The following CDH12 variants were observed in gnomAD, a reference collection of about 807,000 sequenced individuals.
CDH12 encodes cadherin 12.
In CDH12, 41 loss-of-function variants were observed where a neutral mutation model predicts 74.1. The ratio of observed to expected loss-of-function variants is 0.55; its 90% CI spans 0.43 to 0.72. The LOEUF (loss-of-function observed/expected upper bound fraction) is 0.72, where lower values mean the gene tolerates loss of function less well. Ranked by LOEUF, CDH12 falls within the 30% of genes least tolerant of loss-of-function variation. The pLI, the probability that CDH12 is intolerant of heterozygous loss-of-function variation, is 0.00. For synonymous variants in CDH12, 399 were observed against 355.0 expected, an observed-to-expected ratio of 1.12 and a Z score of -1.39; for missense variants, 945 against 977.2, an observed-to-expected ratio of 0.97 and a Z score of 0.44.
chr5:22,725,303 T>G (rs1211432923), intron 1 of CDH12, among the ~76,000 whole-genome samples: 1 of 151,932 alleles, frequency 6.6e-6, no homozygotes, highest in African/African-American at 2.4e-5. Context: ...ATAGTAGCTA[T>G]TGATAATATA....
chr5:22,360,005 A>G (rs1740730548), intron 3 of CDH12, among the ~76,000 whole-genome samples: 1 of 152,196 alleles, frequency 6.6e-6, no homozygotes, highest in Non-Finnish European at 1.5e-5. Context: ...ACACCCTAAC[A>G]TCACAATTAA....
In CDH12 at chr5:22,566,107, T is replaced by C. The variant is rs147019884; in HGVS notation, c.-522-60743A>G. Among the ~76,000 whole-genome samples the C allele has an allele frequency of 4.5e-3, 688 of 152,278 alleles. 4 individuals carry two copies. Among genetic ancestry groups the C allele is most frequent in the Middle Eastern group, 0.01 (3 of 292 alleles). ...CAAATCTAAGACTAGATTAATTACT[T>C]GGTATTTAAAAAAGCACACACACAA... On this transcript the variant is annotated intron_variant, in intron 1 of 14. Coordinates refer to ENST00000382254, the MANE Select transcript of CDH12 (RefSeq NM_004061.5).
chr5:22,337,238 G>C (rs1397307396), intron 3 of CDH12, among the ~76,000 whole-genome samples: 1 of 152,126 alleles, frequency 6.6e-6, no homozygotes, highest in Non-Finnish European at 1.5e-5. Context: ...CAGGCTCATA[G>C]GCAGAAGGGA....
intron 4 of CDH12, among the ~76,000 whole-genome samples, chr5:22,154,640 A>T (rs1747906946): frequency 7.4e-6 from 1 of 135,804 alleles, no homozygotes; most frequent in East Asian, 2.2e-4. Context: ...ACACGTATAC[A>T]TGTATATATA....
intron 3 of CDH12, among the ~76,000 whole-genome samples, chr5:22,304,932 T>G (rs1738037808): frequency 6.6e-6 from 1 of 152,226 alleles, no homozygotes; most frequent in African/African-American, 2.4e-5. Context: ...TGGACTTGTC[T>G]GCTGTAAACC....
chr5:21,816,825 A>G, intron 9 of CDH12, 120 bp downstream of exon 9: 5 of 649,838 alleles, frequency 7.7e-6, no homozygotes, highest in Non-Finnish European at 9.8e-6. Context: ...CACATGGTTC[A>G]AGGGTCAACT....
At chr5:22,071,469 T>G (rs1476513360) in intron 5 of CDH12, among the ~76,000 whole-genome samples, 1 of 152,178 alleles carries the variant, frequency 6.6e-6, no homozygotes, top group African/African-American at 2.4e-5. Flanking sequence ...ATTACTTAAT[T>G]TGGCCTGTGG....
chr5:22,436,702 G>T (rs1441028719), intron 2 of CDH12, among the ~76,000 whole-genome samples: 2 of 151,988 alleles, frequency 1.3e-5, no homozygotes, highest in Non-Finnish European at 2.9e-5. Context: ...ATGCTTTTAA[G>T]AAAAACAATA....
At chr5:22,300,703 C>T (rs867807748) in intron 3 of CDH12, among the ~76,000 whole-genome samples, 3 of 152,160 alleles carry the variant, frequency 2.0e-5, no homozygotes, top group Admixed American at 2.0e-4. Flanking sequence ...CATTAGGAAA[C>T]TGATTTTTGG....
At chr5:22,049,639 G>A (rs1245873819) in intron 5 of CDH12, among the ~76,000 whole-genome samples, 1 of 152,030 alleles carries the variant, frequency 6.6e-6, no homozygotes, top group Non-Finnish European at 1.5e-5. Context: ...TAACAACTCA[G>A]TGTCCTACTT....
chr5:22,249,859 C>G (rs1753078098), intron 3 of CDH12, among the ~76,000 whole-genome samples: 1 of 68,208 alleles, frequency 1.5e-5, no homozygotes, highest in Admixed American at 2.0e-4. Flanking sequence ...ATTATACCTA[C>G]AGATTATTCA....
intron 3 of CDH12, among the ~76,000 whole-genome samples, chr5:22,333,257 T>C (rs1320713157): frequency 3.3e-5 from 5 of 151,302 alleles, no homozygotes; most frequent in Non-Finnish European, 7.4e-5. Context: ...TAAGTTGGAG[T>C]TGAATAATGA....
chr5:22,757,726 T>C (rs1746000858), intron 1 of CDH12, among the ~76,000 whole-genome samples: 1 of 152,214 alleles, frequency 6.6e-6, no homozygotes, highest in Admixed American at 6.5e-5. Flanking sequence ...TTAGTGACCT[T>C]GGATTGTCAG....
intron 1 of CDH12, among the ~76,000 whole-genome samples, chr5:22,742,853 C>T (rs1178023487): frequency 6.6e-6 from 1 of 151,834 alleles, no homozygotes; most frequent in Non-Finnish European, 1.5e-5. Context: ...TTGACTGGGC[C>T]ACAGGGTGCC....
At chr5:22,061,301 C>A (rs995432369) in intron 5 of CDH12, among the ~76,000 whole-genome samples, 5 of 152,060 alleles carry the variant, frequency 3.3e-5, no homozygotes, top group African/African-American at 1.2e-4. Flanking sequence ...TTAGGTCTTG[C>A]CTCGTGAACA....
chr5:22,228,575 C>A (rs563313157), intron 3 of CDH12, among the ~76,000 whole-genome samples: 2 of 152,168 alleles, frequency 1.3e-5, no homozygotes, highest in African/African-American at 2.4e-5. Context: ...TACTATAAAT[C>A]ATTTACTTTT....
intron 14 of CDH12, among the ~76,000 whole-genome samples, chr5:21,753,493 A>G (rs1744212112): frequency 6.6e-6 from 1 of 152,224 alleles, no homozygotes; most frequent in South Asian, 2.1e-4. Flanking sequence ...TGGCTGAGAA[A>G]GAAACTAGCT....
In CDH12 at chr5:22,482,677, C is replaced by A. The variant is rs187516879; in HGVS notation, c.-428+22593G>T. Among the ~76,000 whole-genome samples, 909 of 152,092 alleles carry A rather than the reference C, an allele frequency of 6.0e-3. 7 individuals are homozygous for A. The highest frequency in any genetic ancestry group is 0.01 in the Middle Eastern group (3 of 294). ...AGCATAAGAGAATAGTGGAATTTAA[C>A]CCTTAGTAAGATATTAAAACACATT... On this transcript the variant is annotated intron_variant, in intron 2 of 14. Transcript: ENST00000382254.
intron 3 of CDH12, among the ~76,000 whole-genome samples, chr5:22,260,589 C>A (rs1474278520): frequency 6.6e-6 from 1 of 151,964 alleles, no homozygotes; most frequent in Non-Finnish European, 1.5e-5. Flanking sequence ...TCCTCGTTCT[C>A]TTTAGTAGTG....
Sources: allele counts gnomAD v4.1 joint callset (sites outside exome capture counted in the v4.1 genomes callset), GRCh38; gene constraint gnomAD v4.1.1; transcripts MANE v1.5; gene names NCBI Gene and HGNC (gene_info 2026-07-23, HGNC 2026-07-21).